KCNB2: variants seen among roughly 807,000 people sequenced by gnomAD.
KCNB2 encodes potassium voltage-gated channel subfamily B member 2, also known as delayed rectifier potassium channel protein.
KCNB2 carries 15 observed loss-of-function variants against 61.5 expected under a neutral mutation model. The observed-to-expected ratio is 0.24, with a 90% CI of 0.16 to 0.38. The LOEUF is 0.38. Among genes scored for constraint, KCNB2 ranks in the 10% least tolerant of loss-of-function variants. The pLI, the probability that KCNB2 is intolerant of heterozygous loss-of-function variation, is 1.00. For synonymous variants in KCNB2, 457 were observed against 446.0 expected (o/e 1.02, Z -0.31); for missense variants, 828 against 1,125.2 (o/e 0.74, Z 3.78).
At chr8:72,652,494 T>G (rs1220104275) in intron 2 of KCNB2, among the ~76,000 whole-genome samples, 1 of 152,020 alleles carries the variant, frequency 6.6e-6, no homozygotes, top group Admixed American at 6.6e-5. Context: ...ATTTTGTCCT[T>G]CCCCTGTTAA....
intron 2 of KCNB2, among the ~76,000 whole-genome samples, chr8:72,797,051 C>T (rs1173088115): frequency 6.6e-6 from 1 of 152,028 alleles, no homozygotes; most frequent in Non-Finnish European, 1.5e-5. Flanking sequence ...GCATCATGAC[C>T]TCTCCAGGTC....
chr8:72,653,231 T>A (rs1234582985), intron 2 of KCNB2, among the ~76,000 whole-genome samples: 1 of 152,152 alleles, frequency 6.6e-6, no homozygotes, highest in Non-Finnish European at 1.5e-5. Flanking sequence ...TCCATGAAAA[T>A]ATCTCTTGGA....
intron 2 of KCNB2, among the ~76,000 whole-genome samples, chr8:72,798,212 G>A (rs772589889): frequency 4.6e-5 from 7 of 152,176 alleles, no homozygotes; most frequent in Non-Finnish European, 1.0e-4. Context: ...GCCTAGATTA[G>A]TGATACCCAT....
At chr8:72,831,495 TA>T (rs1380286978) in intron 2 of KCNB2, among the ~76,000 whole-genome samples, 1 of 152,190 alleles carries the variant, frequency 6.6e-6, no homozygotes, top group Non-Finnish European at 1.5e-5. Context: ...TAGGGAAAGT[TA>T]AATGGGACAC....
chr8:72,698,521 T>A (rs1807056898), intron 2 of KCNB2, among the ~76,000 whole-genome samples: 1 of 152,156 alleles, frequency 6.6e-6, no homozygotes, highest in Non-Finnish European at 1.5e-5. Flanking sequence ...ATTCTAAATT[T>A]CATATGGAAC....
intron 2 of KCNB2, among the ~76,000 whole-genome samples, chr8:72,860,346 T>C (rs1002527326): frequency 1.3e-5 from 2 of 152,170 alleles, no homozygotes; most frequent in African/African-American, 2.4e-5. Flanking sequence ...CATCAACACT[T>C]GTTATCTTTT....
intron 2 of KCNB2, among the ~76,000 whole-genome samples, chr8:72,727,084 TA>T (rs1410027332): frequency 4.6e-5 from 7 of 152,158 alleles, no homozygotes; most frequent in Non-Finnish European, 1.0e-4. Context: ...ACTAGTAAGC[TA>T]AAAAAGAGTC....
At chr8:72,593,620 C>T (rs1226977461) in intron 2 of KCNB2, among the ~76,000 whole-genome samples, 2 of 152,120 alleles carry the variant, frequency 1.3e-5, no homozygotes, top group Admixed American at 1.3e-4. Flanking sequence ...ACCTGTTTCT[C>T]ATTTTGTGAT....
intron 2 of KCNB2, among the ~76,000 whole-genome samples, chr8:72,693,287 A>G (rs934708925): frequency 1.3e-5 from 2 of 152,244 alleles, no homozygotes; most frequent in Non-Finnish European, 2.9e-5. Flanking sequence ...TTCTTACCCC[A>G]GTTTGTCTCT....
chr8:72,900,744 G>A (rs1348561079), intron 2 of KCNB2, among the ~76,000 whole-genome samples: 1 of 152,096 alleles, frequency 6.6e-6, no homozygotes, highest in Non-Finnish European at 1.5e-5. Context: ...CATGAAGAAT[G>A]CTCATCATTA....
At chr8:72,584,195 AG>A (rs1261044333) in intron 2 of KCNB2, among the ~76,000 whole-genome samples, 1 of 152,150 alleles carries the variant, frequency 6.6e-6, no homozygotes, top group Non-Finnish European at 1.5e-5. Context: ...ACCTTTTTTA[AG>A]GGCATTTAAA....
chr8:72,635,813 G>A (rs1290752453), intron 2 of KCNB2, among the ~76,000 whole-genome samples: 2 of 152,160 alleles, frequency 1.3e-5, no homozygotes, highest in African/African-American at 2.4e-5. Context: ...GACAGAAAGT[G>A]TCTTATCATC....
At position 72,561,772 on chromosome 8, in the gene KCNB2, TATATGG is replaced by T. The variant is rs1403264733; in HGVS notation, c.-93-5865_-93-5860del. ...GTATATATATATATGGATATATATA[TATATGG>T]ATATATATATACATATATATATATA... On this transcript the variant is annotated intron_variant, in intron 1 of 2. Coordinates refer to ENST00000523207, the MANE Select transcript of KCNB2 (RefSeq NM_004770.3). 6.1e-4 allele frequency among the ~76,000 whole-genome samples: 15 copies of T among 24,706 alleles called. 1 individual carries two copies. Among genetic ancestry groups the T allele is most frequent in the African/African-American group, 9.9e-4 (6 of 6,040 alleles). The allele number at this position is 24,706 out of a possible 152,430, so 16.2% of individuals were successfully genotyped here. A position where few individuals can be genotyped will look rare whatever the true frequency, so the allele number is the denominator to read the frequency against.
At chr8:72,678,514 C>T (rs1396032410) in intron 2 of KCNB2, among the ~76,000 whole-genome samples, 1 of 152,174 alleles carries the variant, frequency 6.6e-6, no homozygotes, top group East Asian at 1.9e-4. Flanking sequence ...GGCCTTTGCA[C>T]TTTTCTCTGC....
At chr8:72,909,706 A>G (rs1563421107) in intron 2 of KCNB2, among the ~76,000 whole-genome samples, 1 of 152,068 alleles carries the variant, frequency 6.6e-6, no homozygotes, top group Non-Finnish European at 1.5e-5. Context: ...AAGGATGAAG[A>G]GTAATGTGGA....
intron 2 of KCNB2, chr8:72,750,786 A>G (rs1808175959): frequency 1.3e-5 from 2 of 152,242 alleles, no homozygotes; most frequent in South Asian, 4.2e-4. Flanking sequence ...TAATGGCTAC[A>G]TGTACTTTCC....
intron 2 of KCNB2, among the ~76,000 whole-genome samples, chr8:72,638,374 C>T (rs1422323599): frequency 6.6e-6 from 1 of 152,158 alleles, no homozygotes; most frequent in Non-Finnish European, 1.5e-5. Flanking sequence ...CCTTTTCACT[C>T]TCTAATCCCA....
intron 2 of KCNB2, 108 bp downstream of exon 2, chr8:72,568,421 G>T: frequency 1.1e-6 from 1 of 903,158 alleles, no homozygotes; most frequent in Non-Finnish European, 1.7e-6. Flanking sequence ...AACAAAGTGT[G>T]GCTACACAGA....
chr8:72,838,132 T>C (rs1214363733), intron 2 of KCNB2, among the ~76,000 whole-genome samples: 2 of 152,236 alleles, frequency 1.3e-5, no homozygotes, highest in African/African-American at 2.4e-5. Flanking sequence ...TTTTTTATTA[T>C]ACTTTAAGTT....
Sources: gnomAD v4.1 joint callset for allele counts (sites outside exome capture counted in the v4.1 genomes callset) on GRCh38, gnomAD v4.1.1 for gene constraint, MANE v1.5 for transcripts, NCBI Gene and HGNC (gene_info 2026-07-23, HGNC 2026-07-21) for gene names.